The following DIAPH3 variants were observed in gnomAD, a reference collection of about 807,000 sequenced individuals.
DIAPH3 encodes the protein protein diaphanous homolog 3.
In DIAPH3, 117 loss-of-function variants were observed where a neutral mutation model predicts 144.3. That is an observed-to-expected ratio of 0.81 (90% CI 0.70 to 0.95). DIAPH3 has a LOEUF of 0.95. Among genes scored for constraint, DIAPH3 ranks in the 40% least tolerant of loss-of-function variants. DIAPH3 has a pLI of 0.00. For missense variants in DIAPH3, 1,421 were observed against 1,412.7 expected (o/e 1.01, Z -0.09); for synonymous variants, 519 against 488.9 (o/e 1.06, Z -0.81).
Position 60,163,598 on chromosome 13 carries a change from G to A in DIAPH3, c.169C>T (p.Arg57Cys), listed in dbSNP as rs1400996379. 2 of 1,591,356 alleles carry A rather than the reference G, an allele frequency of 1.3e-6. No individual in the cohort carries two copies. The highest frequency in any genetic ancestry group is 1.1e-5 in the South Asian group (1 of 89,368). Reference sequence around the variant, plus strand: ...CAGGCGATACTCACAAACTTGGGGCGCTTCTCCCCAGGCTCCTCGGGGCCA... The same window carrying A: ...CAGGCGATACTCACAAACTTGGGGCACTTCTCCCCAGGCTCCTCGGGGCCA... ...PSGPEEPGEK[R>C]PKFHLNIRTL... The change falls in exon 1 of 28, where the codon CGC (arginine) becomes TGC (cysteine). Residue 57 changes from arginine (R) to cysteine (C), a missense_variant. By Grantham distance (180) the Arg-to-Cys change is radical (BLOSUM62 -3). Transcript: ENST00000400324.
At chr13:59,836,405 T>C (rs1009111920) in intron 23 of DIAPH3, among the ~76,000 whole-genome samples, 7 of 151,830 alleles carry the variant, frequency 4.6e-5, no homozygotes, top group Non-Finnish European at 1.0e-4. Context: ...AAGTAGTTAC[T>C]GTGGAAATAT....
At chr13:59,779,456 C>T (rs1489766933) in intron 25 of DIAPH3, among the ~76,000 whole-genome samples, 1 of 151,642 alleles carries the variant, frequency 6.6e-6, no homozygotes, top group East Asian at 1.9e-4. Flanking sequence ...GAAATGCCTG[C>T]TTATTATTAA....
intron 12 of DIAPH3, among the ~76,000 whole-genome samples, chr13:59,984,274 A>G (rs182299390): frequency 1.3e-5 from 2 of 151,688 alleles, no homozygotes; most frequent in East Asian, 3.9e-4. Context: ...CAACCAAAAT[A>G]AACAAAAATT....
At chr13:60,052,323 A>G (rs146748409) in intron 4 of DIAPH3, among the ~76,000 whole-genome samples, 110 of 152,322 alleles carry the variant, frequency 7.2e-4, no homozygotes, top group African/African-American at 2.5e-3. Flanking sequence ...TCTGTAAATC[A>G]TATTTAGAAG....
chr13:59,802,221 A>T (rs1454833150), intron 25 of DIAPH3, among the ~76,000 whole-genome samples: 1 of 152,214 alleles, frequency 6.6e-6, no homozygotes, highest in East Asian at 1.9e-4. Flanking sequence ...CTAAAAGGAT[A>T]AGAAGCACAA....
intron 27 of DIAPH3, among the ~76,000 whole-genome samples, chr13:59,722,146 C>A (rs1435147296): frequency 6.6e-6 from 1 of 152,144 alleles, no homozygotes; most frequent in Non-Finnish European, 1.5e-5. Flanking sequence ...ACAAAAAAAG[C>A]TTGCCACTCT....
intron 8 of DIAPH3, among the ~76,000 whole-genome samples, chr13:60,009,222 T>C (rs1267946195): frequency 6.6e-6 from 1 of 152,196 alleles, no homozygotes; most frequent in Non-Finnish European, 1.5e-5. Flanking sequence ...GCAAAAACTA[T>C]ACTTCCTCTT....
intron 8 of DIAPH3, among the ~76,000 whole-genome samples, chr13:60,009,938 T>C (rs939808891): frequency 1.3e-5 from 2 of 152,224 alleles, no homozygotes; most frequent in East Asian, 3.8e-4. Context: ...AGAACCCTAA[T>C]TTTTAAAAAT....
At chr13:59,836,364 T>C (rs1279747569) in intron 23 of DIAPH3, among the ~76,000 whole-genome samples, 2 of 151,814 alleles carry the variant, frequency 1.3e-5, no homozygotes, top group African/African-American at 2.4e-5. Context: ...AATACTGATA[T>C]ACATTGAATT....
intron 4 of DIAPH3, among the ~76,000 whole-genome samples, chr13:60,069,488 C>T (rs1249960556): frequency 6.6e-6 from 1 of 152,016 alleles, no homozygotes; most frequent in African/African-American, 2.4e-5. Flanking sequence ...TAAGTAGGTC[C>T]CAAATGTCAA....
intron 27 of DIAPH3, among the ~76,000 whole-genome samples, chr13:59,745,561 A>G (rs748606235): frequency 6.6e-6 from 1 of 152,202 alleles, no homozygotes; most frequent in Admixed American, 6.5e-5. Flanking sequence ...CCAGTTCTCA[A>G]GAATATGTAA....
At chr13:59,911,869 C>T (rs989013738) in intron 19 of DIAPH3, 33 bp from the exon 20 acceptor site, 2 of 1,383,890 alleles carry the variant, frequency 1.4e-6, no homozygotes, top group Non-Finnish European at 2.1e-6. Context: ...AAGATCTTCA[C>T]TAAATGTACT....
At chr13:60,126,541 A>G (rs976531023) in intron 2 of DIAPH3, among the ~76,000 whole-genome samples, 2 of 152,218 alleles carry the variant, frequency 1.3e-5, no homozygotes, top group Non-Finnish European at 2.9e-5. Context: ...TTCTCTCAAT[A>G]ATTGTTAGAA....
At chr13:60,031,446 T>C (rs952568713) in intron 5 of DIAPH3, among the ~76,000 whole-genome samples, 15 of 152,140 alleles carry the variant, frequency 9.9e-5, no homozygotes, top group Admixed American at 9.2e-4. Context: ...AAATATCATA[T>C]CCTTTTCAAA....
At chr13:59,948,430 A>G (rs1174904472) in intron 17 of DIAPH3, among the ~76,000 whole-genome samples, 2 of 152,034 alleles carry the variant, frequency 1.3e-5, no homozygotes, top group Non-Finnish European at 2.9e-5. Flanking sequence ...ACGTCTACCT[A>G]GTTTCCATTA....
intron 1 of DIAPH3, among the ~76,000 whole-genome samples, chr13:60,137,162 T>G (rs1316061401): frequency 6.6e-6 from 1 of 152,156 alleles, no homozygotes; most frequent in Non-Finnish European, 1.5e-5. Context: ...TGACAGTTCC[T>G]AGGATGAATG....
At chr13:60,156,939 ATTTTTTTTTTTTTT>A (rs757042309) in intron 1 of DIAPH3, among the ~76,000 whole-genome samples, 14 of 82,032 alleles carry the variant, frequency 1.7e-4, no homozygotes, top group African/African-American at 7.0e-4. Flanking sequence ...ATATATATAT[ATTTTTTTTTTTTTT>A]TTTTTTGAGA....
intron 25 of DIAPH3, among the ~76,000 whole-genome samples, chr13:59,795,916 C>T (rs2039577135): frequency 6.6e-6 from 1 of 152,170 alleles, no homozygotes; most frequent in Non-Finnish European, 1.5e-5. Context: ...CACATTTGTA[C>T]ATATTAGTGC....
At chr13:60,012,716 T>A (rs1250320475) in intron 7 of DIAPH3, 1 of 152,832 alleles carries the variant, frequency 6.5e-6, no homozygotes, top group African/African-American at 2.4e-5. Context: ...AGGTGACTCA[T>A]GCTGACTTCC....
Sources: allele counts gnomAD v4.1 joint callset (sites outside exome capture counted in the v4.1 genomes callset), GRCh38; gene constraint gnomAD v4.1.1; transcripts MANE v1.5; gene names NCBI Gene and HGNC (gene_info 2026-07-23, HGNC 2026-07-21).